PIP5K1B: variants seen among roughly 807,000 people sequenced by gnomAD.
The protein encoded by PIP5K1B is phosphatidylinositol 4-phosphate 5-kinase type-1 beta.
In PIP5K1B, 42 loss-of-function variants were observed where a neutral mutation model predicts 67.0. The observed-to-expected ratio is 0.63, with a 90% CI of 0.49 to 0.81. The LOEUF is 0.81. PIP5K1B is among the 30% of genes least tolerant of loss of function. The probability of loss-of-function intolerance (pLI) is 0.00; values close to 1 mark genes in which losing one functional copy is unlikely to be tolerated. For synonymous variants in PIP5K1B, 214 were observed against 231.4 expected (o/e 0.92, Z 0.68); for missense variants, 459 against 646.3 (o/e 0.71, Z 3.14).
At chr9:68,755,783 A>G (rs1829896806) in intron 2 of PIP5K1B, among the ~76,000 whole-genome samples, 1 of 152,230 alleles carries the variant, frequency 6.6e-6, no homozygotes, top group South Asian at 2.1e-4. Context: ...GTGCAACCTT[A>G]GAAATGGGTG....
chr9:68,758,413 A>T (rs1255169071), intron 2 of PIP5K1B, among the ~76,000 whole-genome samples: 1 of 152,184 alleles, frequency 6.6e-6, no homozygotes, highest in Non-Finnish European at 1.5e-5. Context: ...TGAATACATG[A>T]TATAAAGAAG....
At chr9:68,985,126 A>G (rs985850979) in intron 14 of PIP5K1B, among the ~76,000 whole-genome samples, 1 of 152,224 alleles carries the variant, frequency 6.6e-6, no homozygotes, top group Admixed American at 6.5e-5. Context: ...AGGCAGCTGC[A>G]ATCTCACTGC....
chr9:68,813,891 C>T (rs542365953), intron 2 of PIP5K1B, among the ~76,000 whole-genome samples: 1 of 152,302 alleles, frequency 6.6e-6, no homozygotes, highest in South Asian at 2.1e-4. Flanking sequence ...TTTTGGACTT[C>T]TAGCCTCCAG....
intron 2 of PIP5K1B, among the ~76,000 whole-genome samples, chr9:68,750,305 T>C (rs1829558433): frequency 6.6e-6 from 1 of 152,232 alleles, no homozygotes. Context: ...CCAGGATTTG[T>C]ATGCGTAGAT....
intron 2 of PIP5K1B, among the ~76,000 whole-genome samples, chr9:68,796,423 A>G (rs1832298919): frequency 6.6e-6 from 1 of 152,224 alleles, no homozygotes. Context: ...AACTTTGTTC[A>G]TTCTTAAAAC....
At chr9:68,780,509 C>A in intron 2 of PIP5K1B, 3 of 1,614,238 alleles carry the variant, frequency 1.9e-6, no homozygotes, top group Non-Finnish European at 2.5e-6. Context: ...AGATAAGCCA[C>A]TCCTGGGAGG....
chr9:68,874,008 G>C (rs1194588457), intron 5 of PIP5K1B, among the ~76,000 whole-genome samples: 1 of 152,174 alleles, frequency 6.6e-6, no homozygotes, highest in Non-Finnish European at 1.5e-5. Flanking sequence ...CTAATTTACA[G>C]AAGGCACTAT....
chr9:68,771,443 C>T lies in PIP5K1B; in HGVS notation c.-86+28786C>T, dbSNP rs149036755. ...CCATGAAAATGACAGGTTTGAGGAA[C>T]CCAAGTGTATTTCATGTGTGTCAAT... On this transcript the variant is annotated intron_variant, in intron 2 of 15. Transcript: ENST00000265382. Among the ~76,000 whole-genome samples, 42 of 152,226 alleles carry T rather than the reference C, an allele frequency of 2.8e-4. No individual in the cohort carries two copies. The East Asian group carries it at 3.1e-3, about 11-fold the overall frequency.
chr9:68,743,373 T>C (rs981738922), intron 2 of PIP5K1B, among the ~76,000 whole-genome samples: 3 of 152,102 alleles, frequency 2.0e-5, no homozygotes, highest in African/African-American at 7.2e-5. Context: ...CTGGCTAATT[T>C]TTTATTCCAG....
At chr9:68,857,913 G>A (rs916342579) in intron 4 of PIP5K1B, among the ~76,000 whole-genome samples, 1 of 152,024 alleles carries the variant, frequency 6.6e-6, no homozygotes, top group African/African-American at 2.4e-5. Context: ...AGGCTGGTCA[G>A]CATCTCCCTT....
At chr9:68,937,759 TC>T (rs1334796722) in intron 13 of PIP5K1B, among the ~76,000 whole-genome samples, 1 of 152,224 alleles carries the variant, frequency 6.6e-6, no homozygotes, top group Non-Finnish European at 1.5e-5. Context: ...TAAATTTCCC[TC>T]TACACACTGC....
intron 6 of PIP5K1B, among the ~76,000 whole-genome samples, chr9:68,878,013 CTGTG>C (rs35871698): frequency 0.037 from 5,221 of 142,034 alleles, 96 homozygotes; most frequent in Middle Eastern, 0.041. Context: ...CGCATTTGTT[CTGTG>C]TGTGTGTGTG....
In PIP5K1B at chr9:68,773,838, T is replaced by C. The variant is rs192328118; in HGVS notation, c.-86+31181T>C. On this transcript the variant is annotated intron_variant, in intron 2 of 15. Coordinates refer to ENST00000265382, the MANE Select transcript of PIP5K1B (RefSeq NM_003558.4). ...TCTGTACTTAACGGGCCCTCAATGATTATTTGCAAATTGAATGGTTGGTAA... is the reference window on the plus strand; with the variant it reads ...TCTGTACTTAACGGGCCCTCAATGACTATTTGCAAATTGAATGGTTGGTAA... 1.1e-3 allele frequency among the ~76,000 whole-genome samples: 174 copies of C among 152,302 alleles called. 1 individual carries two copies. The highest frequency in any genetic ancestry group is 4.0e-3 in the African/African-American group (165 of 41,554).
At chr9:68,788,499 G>GTTTTGTTTTGTTTTGT (rs1170368083) in intron 2 of PIP5K1B, 2 of 366,506 alleles carry the variant, frequency 5.5e-6, no homozygotes, top group South Asian at 5.3e-5. Flanking sequence ...GTTTTGTTTT[G>GTTTTGTTTTGTTTTGT]TTTTTTAGTA....
chr9:68,813,182 C>T (rs1833259416), intron 2 of PIP5K1B, among the ~76,000 whole-genome samples: 1 of 152,164 alleles, frequency 6.6e-6, no homozygotes, highest in Non-Finnish European at 1.5e-5. Context: ...ATCTACATGC[C>T]ACTTCTGAGA....
At chr9:68,720,212 A>G (rs980699102) in intron 1 of PIP5K1B, among the ~76,000 whole-genome samples, 8 of 152,152 alleles carry the variant, frequency 5.3e-5, no homozygotes, top group African/African-American at 1.9e-4. Flanking sequence ...TTCCTTTACA[A>G]AATTTCAGTA....
intron 2 of PIP5K1B, among the ~76,000 whole-genome samples, chr9:68,809,989 G>A (rs1833074925): frequency 6.6e-6 from 1 of 152,192 alleles, no homozygotes; most frequent in Non-Finnish European, 1.5e-5. Flanking sequence ...TTGAATGAAT[G>A]AAAGAGTGAA....
intron 14 of PIP5K1B, among the ~76,000 whole-genome samples, chr9:68,955,348 T>C (rs1326295467): frequency 1.3e-5 from 2 of 152,250 alleles, no homozygotes; most frequent in Non-Finnish European, 2.9e-5. Flanking sequence ...CAATAATTAG[T>C]ACATCTGACT....
chr9:68,816,077 A>G (rs1401916324), intron 2 of PIP5K1B, among the ~76,000 whole-genome samples: 1 of 152,154 alleles, frequency 6.6e-6, no homozygotes, highest in Non-Finnish European at 1.5e-5. Context: ...CAGAATCCCA[A>G]CTTGGAAGAT....
Sources: gnomAD v4.1 joint callset for allele counts (sites outside exome capture counted in the v4.1 genomes callset) on GRCh38, gnomAD v4.1.1 for gene constraint, MANE v1.5 for transcripts, NCBI Gene and HGNC (gene_info 2026-07-23, HGNC 2026-07-21) for gene names.